WWC2: variants seen among roughly 807,000 people sequenced by gnomAD.
WWC2 encodes the protein WW and C2 domain containing 2, also known as protein WWC2.
WWC2 carries 101 observed loss-of-function variants against 138.5 expected under a neutral mutation model. The observed-to-expected ratio is 0.73, with a 90% confidence interval of 0.62 to 0.86. The LOEUF (loss-of-function observed/expected upper bound fraction) is 0.86, where lower values mean the gene tolerates loss of function less well. WWC2 is among the 40% of genes least tolerant of loss of function. The probability of loss-of-function intolerance (pLI) is 0.00; values close to 1 mark genes in which losing one functional copy is unlikely to be tolerated. For missense variants in WWC2, 1,420 were observed against 1,419.4 expected, an observed-to-expected ratio of 1.00 and a Z score of -0.01; for synonymous variants, 558 against 538.4, an observed-to-expected ratio of 1.04 and a Z score of -0.50.
rs72691691 is a variant in WWC2 at position 183,121,453 on chromosome 4, T to A, written c.131+21831T>A. On this transcript the variant is annotated intron_variant, in intron 1 of 22. Coordinates refer to ENST00000403733, the MANE Select transcript of WWC2 (RefSeq NM_024949.6). ...GCTCCAATGAGCAATTTCCTTTGAGTGTTATGTCGGCATTCAGAAGTTTCA... is the reference window on the plus strand; with the variant it reads ...GCTCCAATGAGCAATTTCCTTTGAGAGTTATGTCGGCATTCAGAAGTTTCA... Among the ~76,000 whole-genome samples, 391 of 152,132 alleles carry A rather than the reference T, an allele frequency of 2.6e-3. 1 individual carries two copies. The highest frequency in any genetic ancestry group is 4.4e-3 in the Non-Finnish European group (302 of 67,998).
At chr4:183,178,677 C>T (rs1343480496) in intron 1 of WWC2, among the ~76,000 whole-genome samples, 1 of 152,130 alleles carries the variant, frequency 6.6e-6, no homozygotes, top group African/African-American at 2.4e-5. Context: ...TTATAACTCT[C>T]CACTGACAGC....
Position 183,319,693 on chromosome 4 carries a change from G to C in WWC2, c.*3964G>C, listed in dbSNP as rs1331644900. On this transcript the variant is annotated 3_prime_UTR_variant, in exon 23 of 23. Transcript: ENST00000403733. ...TGGAGCAGACACCCTCCTAGCAGAAGAGAAAGTCCAGCAAACCAGCCCAGA... is the reference window on the plus strand; with the variant it reads ...TGGAGCAGACACCCTCCTAGCAGAACAGAAAGTCCAGCAAACCAGCCCAGA... 2 of 1,613,992 alleles carry C rather than the reference G, an allele frequency of 1.2e-6. No homozygotes were observed. The highest frequency in any genetic ancestry group is 1.7e-6 in the Non-Finnish European group (2 of 1,180,030).
chr4:183,226,371 T>C (rs1736074157), intron 4 of WWC2, among the ~76,000 whole-genome samples: 1 of 150,842 alleles, frequency 6.6e-6, no homozygotes, highest in South Asian at 2.1e-4. Context: ...AACTTACACA[T>C]ACTTTCAGTA....
At chr4:183,284,077 G>A (rs901712658) in intron 18 of WWC2, 149 bp from the exon 19 acceptor site, 5 of 849,290 alleles carry the variant, frequency 5.9e-6, no homozygotes, top group Non-Finnish European at 8.8e-6. Context: ...AAGTACTATA[G>A]TCTGTAATGC....
chr4:183,249,959 A>G lies in WWC2; in HGVS notation c.919A>G (p.Arg307Gly), dbSNP rs1335499124. The stretch of plus-strand genomic sequence containing the variant: ...TAGATCAAATTTAGCTGAAAAGGTC[A>G]GGCTAAGCCTACAGTATGAAGAAGC... ...RSRSNLAEKV[R>G]LSLQYEEAKR... The change falls in exon 8 of 23, where the codon AGG (arginine) becomes GGG (glycine). Residue 307 changes from arginine (R) to glycine (G), a missense_variant. Physicochemically the swap from Arg to Gly is moderately radical, Grantham distance 125. Transcript: ENST00000403733. 6.2e-7 allele frequency: 1 copy of G among 1,613,734 alleles called. No individual in the cohort carries two copies. Among genetic ancestry groups the G allele is most frequent in the African/African-American group, 1.3e-5 (1 of 74,918 alleles).
chr4:183,250,430 T>TC (rs904688235), intron 8 of WWC2, among the ~76,000 whole-genome samples: 3 of 152,156 alleles, frequency 2.0e-5, no homozygotes, highest in African/African-American at 7.2e-5. Context: ...GTCTTACTGC[T>TC]AATGTCCTTG....
intron 16 of WWC2, among the ~76,000 whole-genome samples, chr4:183,277,394 G>C (rs200967116): frequency 7.9e-4 from 116 of 146,090 alleles, no homozygotes; most frequent in Middle Eastern, 3.4e-3. Context: ...TGGACATTTG[G>C]GTTGGTTCCA....
chr4:183,255,162 A>T lies in WWC2; in HGVS notation c.1196+1163A>T, dbSNP rs1737095784. 1.3e-5 allele frequency among the ~76,000 whole-genome samples: 2 copies of T among 152,116 alleles called. 1 individual carries two copies. Among genetic ancestry groups the T allele is most frequent in the South Asian group, 4.1e-4 (2 of 4,830 alleles). ...CAAAAGGAAAAGCCTCTGAACTATA[A>T]TCTTCTGCCCTCTTAATAATTCTCA... On this transcript the variant is annotated intron_variant, in intron 9 of 22. Coordinates refer to ENST00000403733, the MANE Select transcript of WWC2 (RefSeq NM_024949.6).
intron 4 of WWC2, among the ~76,000 whole-genome samples, chr4:183,211,350 A>G (rs1023920441): frequency 6.6e-6 from 1 of 152,150 alleles, no homozygotes; most frequent in African/African-American, 2.4e-5. Flanking sequence ...CAGAATTTCT[A>G]TTTGATTATT....
In WWC2 at chr4:183,245,248, A is replaced by AAG. The variant is rs369345159; in HGVS notation, c.603-160_603-159dup. 1.7e-3 allele frequency among the ~76,000 whole-genome samples: 254 copies of AAG among 146,596 alleles called. 2 individuals are homozygous for AAG. Among genetic ancestry groups the AAG allele is most frequent in the African/African-American group, 6.2e-3 (230 of 36,986 alleles). ...TCTAAAAAAAAAAAAAAAAAAAAAAAAGAGAGAGAAAGGAGGAGAAACTGC... is the reference window on the plus strand; with the variant it reads ...TCTAAAAAAAAAAAAAAAAAAAAAAAAGAGAGAGAGAAAGGAGGAGAAACTGC... On this transcript the variant is annotated intron_variant, in intron 5 of 22. Coordinates refer to ENST00000403733, the MANE Select transcript of WWC2 (RefSeq NM_024949.6).
chr4:183,198,270 G>A (rs1735198321), intron 2 of WWC2, among the ~76,000 whole-genome samples: 1 of 152,108 alleles, frequency 6.6e-6, no homozygotes, highest in Non-Finnish European at 1.5e-5. Context: ...ATGAAAAGAA[G>A]AAAAATTATC....
At chr4:183,221,790 T>C (rs1429357201) in intron 4 of WWC2, among the ~76,000 whole-genome samples, 1 of 152,198 alleles carries the variant, frequency 6.6e-6, no homozygotes, top group Non-Finnish European at 1.5e-5. Context: ...GGAAGTCTCA[T>C]ACATTGCTAT....
intron 2 of WWC2, among the ~76,000 whole-genome samples, chr4:183,201,837 G>A (rs999813512): frequency 6.6e-6 from 1 of 152,156 alleles, no homozygotes; most frequent in African/African-American, 2.4e-5. Flanking sequence ...CGTTCATATA[G>A]TGGCCAGCCC....
intron 2 of WWC2, among the ~76,000 whole-genome samples, chr4:183,196,574 G>A (rs1735148208): frequency 6.6e-6 from 1 of 152,188 alleles, no homozygotes; most frequent in South Asian, 2.1e-4. Context: ...GAGTCCAGAT[G>A]CATGTGTTCT....
intron 16 of WWC2, among the ~76,000 whole-genome samples, chr4:183,272,018 G>T (rs1254816258): frequency 6.6e-6 from 1 of 152,082 alleles, no homozygotes; most frequent in Admixed American, 6.6e-5. Context: ...AAAAATGGGG[G>T]TTAGGTTGTA....
intron 1 of WWC2, among the ~76,000 whole-genome samples, chr4:183,144,121 A>G (rs750508221): frequency 6.6e-6 from 1 of 152,236 alleles, no homozygotes; most frequent in Non-Finnish European, 1.5e-5. Context: ...GGAACAGTTG[A>G]TATGTCACTT....
Position 183,305,068 on chromosome 4 carries a change from A to T in WWC2, c.3385-7273A>T, listed in dbSNP as rs1324776191. On this transcript the variant is annotated intron_variant, in intron 21 of 22. Transcript: ENST00000403733. Reference sequence around the variant, plus strand: ...AGAGAGGTGGAAATTCTAAGCAAGAATCAAAAAGAAGTCCTAGAGATCAAA... The same window carrying T: ...AGAGAGGTGGAAATTCTAAGCAAGATTCAAAAAGAAGTCCTAGAGATCAAA... Among the ~76,000 whole-genome samples, 5 of 152,238 alleles carry T rather than the reference A, an allele frequency of 3.3e-5. No individual in the cohort carries two copies. In the South Asian group the frequency reaches 8.3e-4, roughly 25 times the overall value.
chr4:183,193,382 G>A (rs1735043550), intron 1 of WWC2, among the ~76,000 whole-genome samples: 2 of 152,032 alleles, frequency 1.3e-5, no homozygotes, highest in Non-Finnish European at 2.9e-5. Context: ...TTTATTTAGT[G>A]TATAGATTTA....
chr4:183,272,839 A>G (rs1737732833), intron 16 of WWC2, among the ~76,000 whole-genome samples: 1 of 152,146 alleles, frequency 6.6e-6, no homozygotes, highest in Non-Finnish European at 1.5e-5. Flanking sequence ...ACCACATTTT[A>G]TCTGTCCGTC....
Sources: gnomAD v4.1 joint callset for allele counts (sites outside exome capture counted in the v4.1 genomes callset) on GRCh38, gnomAD v4.1.1 for gene constraint, MANE v1.5 for transcripts, NCBI Gene and HGNC (gene_info 2026-07-23, HGNC 2026-07-21) for gene names.